The following RREB1 variants were observed in gnomAD, a reference collection of about 807,000 sequenced individuals.
The protein encoded by RREB1 is ras responsive element binding protein 1.
Under a neutral mutation model 117.8 loss-of-function variants are expected in RREB1, and 27 were observed. The observed-to-expected ratio is 0.23, with a 90% CI of 0.17 to 0.32. The LOEUF (loss-of-function observed/expected upper bound fraction) is 0.32. Ranked by LOEUF, RREB1 falls within the 10% of genes least tolerant of loss-of-function variation. The probability of loss-of-function intolerance (pLI) is 1.00; values close to 1 mark genes in which losing one functional copy is unlikely to be tolerated. For synonymous variants in RREB1, 1,298 were observed against 1,026.7 expected (o/e 1.26, Z -5.05); for missense variants, 2,577 against 2,378.2 (o/e 1.08, Z -1.74).
intron 4 of RREB1, chr6:7,184,062 A>C (rs1447908300): frequency 1.3e-5 from 2 of 152,238 alleles, no homozygotes; most frequent in African/African-American, 4.8e-5. Flanking sequence ...AGAATTCTCC[A>C]TTAGGGTGCT....
At chr6:7,168,067 C>G (rs1408270340) in intron 1 of RREB1, among the ~76,000 whole-genome samples, 1 of 151,890 alleles carries the variant, frequency 6.6e-6, no homozygotes, top group Non-Finnish European at 1.5e-5. Flanking sequence ...TTGAGACCAG[C>G]CTGTTCAACA....
intron 6 of RREB1, among the ~76,000 whole-genome samples, chr6:7,196,217 C>G (rs191011679): frequency 1.8e-5 from 2 of 109,730 alleles, no homozygotes; most frequent in Non-Finnish European, 3.5e-5. Context: ...TTTTTTTTTT[C>G]GTTTTTTTTT....
Position 7,230,141 on chromosome 6 carries a change from CCGA to C in RREB1, c.2044_2046del (p.Asp682del). 1.2e-6 allele frequency: 2 copies of C among 1,605,032 alleles called. No individual in the cohort carries two copies. The highest frequency in any genetic ancestry group is 1.7e-6 in the Non-Finnish European group (2 of 1,177,872). On this transcript the variant is annotated inframe_deletion, in exon 10 of 13. Transcript: ENST00000379938. ...TGCAACATCTGCGACTACATCGCCG[CCGA>C]CAAGGCCGCGCTCATCCGCCACCTG...
intron 5 of RREB1, among the ~76,000 whole-genome samples, chr6:7,188,217 C>T (rs957414877): frequency 3.4e-5 from 4 of 118,278 alleles, no homozygotes; most frequent in Non-Finnish European, 7.1e-5. Flanking sequence ...AGAATCGCTC[C>T]CCCCCACACG....
At chr6:7,245,269 G>A (rs907537068) in intron 11 of RREB1, among the ~76,000 whole-genome samples, 6 of 152,152 alleles carry the variant, frequency 3.9e-5, no homozygotes, top group South Asian at 2.1e-4. Context: ...GGTGGTGGGC[G>A]CCTGTAATCC....
intron 1 of RREB1, among the ~76,000 whole-genome samples, chr6:7,123,583 T>A (rs988692351): frequency 6.6e-6 from 1 of 151,026 alleles, no homozygotes; most frequent in African/African-American, 2.4e-5. Flanking sequence ...CAGAGTGGCA[T>A]CAGTTAGGCC....
At chr6:7,168,402 T>C (rs1764059479) in intron 1 of RREB1, among the ~76,000 whole-genome samples, 7 of 152,316 alleles carry the variant, frequency 4.6e-5, no homozygotes, top group Admixed American at 3.3e-4. Context: ...CCCTTAGAAG[T>C]GCAGAATCTG....
intron 1 of RREB1, among the ~76,000 whole-genome samples, chr6:7,118,322 T>C (rs1209155250): frequency 6.6e-6 from 1 of 152,178 alleles, no homozygotes; most frequent in African/African-American, 2.4e-5. Context: ...AGTTTCACTA[T>C]GTTGGCCAGG....
At chr6:7,196,792 G>A (rs867866388) in intron 6 of RREB1, among the ~76,000 whole-genome samples, 5 of 152,270 alleles carry the variant, frequency 3.3e-5, no homozygotes, top group Admixed American at 1.3e-4. Context: ...AGCTTTGTGA[G>A]CTGCCACTTG....
At chr6:7,161,327 T>C (rs1359797223) in intron 1 of RREB1, among the ~76,000 whole-genome samples, 1 of 152,154 alleles carries the variant, frequency 6.6e-6, no homozygotes, top group Non-Finnish European at 1.5e-5. Flanking sequence ...TGAGATCCAC[T>C]AACTCCCCTC....
intron 1 of RREB1, among the ~76,000 whole-genome samples, chr6:7,109,201 C>T (rs1291582505): frequency 6.6e-6 from 1 of 151,948 alleles, no homozygotes; most frequent in Non-Finnish European, 1.5e-5. Context: ...CTTCCTCCTC[C>T]CATCCCGGCC....
At chr6:7,192,428 A>G (rs776454094) in intron 6 of RREB1, among the ~76,000 whole-genome samples, 3 of 151,994 alleles carry the variant, frequency 2.0e-5, no homozygotes, top group Non-Finnish European at 4.4e-5. Context: ...GCCGACCTCA[A>G]GTAATCCTTC....
intron 1 of RREB1, among the ~76,000 whole-genome samples, chr6:7,128,364 G>C (rs886570781): frequency 1.3e-5 from 2 of 152,172 alleles, no homozygotes; most frequent in African/African-American, 2.4e-5. Flanking sequence ...GGGGGACCTG[G>C]AGGGGAGCTG....
At chr6:7,247,861 C>T (rs548028287) in intron 12 of RREB1, among the ~76,000 whole-genome samples, 2 of 152,236 alleles carry the variant, frequency 1.3e-5, no homozygotes, top group Non-Finnish European at 2.9e-5. Flanking sequence ...TATCCTTCTT[C>T]TTTCCAAAAT....
chr6:7,124,107 T>C (rs906469519), intron 1 of RREB1, among the ~76,000 whole-genome samples: 5 of 152,230 alleles, frequency 3.3e-5, no homozygotes, highest in African/African-American at 1.2e-4. Context: ...GGGACCGGGG[T>C]GGTCACCCGT....
intron 11 of RREB1, among the ~76,000 whole-genome samples, 184 bp from the exon 12 acceptor site, chr6:7,246,239 TC>T (rs1769008962): frequency 1.3e-5 from 2 of 152,176 alleles, no homozygotes; most frequent in Admixed American, 1.3e-4. Flanking sequence ...TTTCTTCACG[TC>T]CCCAGGGTCA....
intron 2 of RREB1, among the ~76,000 whole-genome samples, chr6:7,180,877 A>C (rs1274681036): frequency 6.6e-6 from 1 of 152,200 alleles, no homozygotes; most frequent in Non-Finnish European, 1.5e-5. Context: ...AGAAAGTAAA[A>C]TTTTACTGCA....
chr6:7,187,420 ATCTT>A lies in RREB1; in HGVS notation c.172-8_172-5del. 1 of 1,524,976 alleles carries A rather than the reference ATCTT, an allele frequency of 6.6e-7. No homozygotes were observed. The highest frequency in any genetic ancestry group is 9.0e-7 in the Non-Finnish European group (1 of 1,105,988). The allele number at this position is 1,524,976 out of a possible 1,614,324, so 94.5% of individuals were successfully genotyped here. A position where few individuals can be genotyped will look rare whatever the true frequency, so the allele number is the denominator to read the frequency against. ...GAGTTGAAATTTATCTTCCCTTTTA[ATCTT>A]TCTTTTTAGGAAACGAAAGAGGAGA... On this transcript the variant is annotated splice_polypyrimidine_tract_variant and intron_variant, in intron 4 of 12. Transcript: ENST00000379938.
At chr6:7,154,122 T>C (rs1763252452) in intron 1 of RREB1, among the ~76,000 whole-genome samples, 1 of 152,238 alleles carries the variant, frequency 6.6e-6, no homozygotes, top group Non-Finnish European at 1.5e-5. Context: ...ATCTTTGCTT[T>C]ATTCTCCTTT....
Sources: gnomAD v4.1 joint callset for allele counts (sites outside exome capture counted in the v4.1 genomes callset) on GRCh38, gnomAD v4.1.1 for gene constraint, MANE v1.5 for transcripts, NCBI Gene and HGNC (gene_info 2026-07-23, HGNC 2026-07-21) for gene names.